Variants in PHF14 observed in about 807,000 individuals in gnomAD.
PHF14 encodes PHD finger protein 14.
Under a neutral mutation model 117.9 loss-of-function variants are expected in PHF14, and 55 were observed. That is an observed-to-expected ratio of 0.47 (90% CI 0.38 to 0.58). The LOEUF (loss-of-function observed/expected upper bound fraction) is 0.58. PHF14 is among the 20% of genes least tolerant of loss of function. The pLI is 0.00. For synonymous variants in PHF14, 409 were observed against 368.6 expected (o/e 1.11, Z -1.26); for missense variants, 978 against 1,122.2 (o/e 0.87, Z 1.84).
At chr7:11,135,694 C>T (rs778046177) in intron 17 of PHF14, among the ~76,000 whole-genome samples, 2 of 152,026 alleles carry the variant, frequency 1.3e-5, no homozygotes, top group Admixed American at 6.6e-5. Flanking sequence ...AATTCATTGC[C>T]GTGGTTATAT....
At chr7:11,091,915 C>G (rs1786654271) in intron 16 of PHF14, among the ~76,000 whole-genome samples, 1 of 152,162 alleles carries the variant, frequency 6.6e-6, no homozygotes, top group Non-Finnish European at 1.5e-5. Flanking sequence ...ATTGAAGGTA[C>G]AGCAGGAAAT....
chr7:11,076,882 T>G (rs1025141329), intron 16 of PHF14, among the ~76,000 whole-genome samples: 5 of 151,812 alleles, frequency 3.3e-5, no homozygotes, highest in African/African-American at 7.3e-5. Flanking sequence ...AATATGGTTT[T>G]TTTTTTTTTT....
At chr7:10,991,564 C>T (rs947385777) in intron 4 of PHF14, among the ~76,000 whole-genome samples, 6 of 152,236 alleles carry the variant, frequency 3.9e-5, no homozygotes, top group African/African-American at 1.4e-4. Flanking sequence ...CCTGCCTCAG[C>T]CTCCCAAAGT....
intron 4 of PHF14, among the ~76,000 whole-genome samples, chr7:10,992,267 T>G (rs1007512082): frequency 1.4e-5 from 2 of 147,446 alleles, no homozygotes; most frequent in Admixed American, 1.4e-4. Flanking sequence ...TTGGCCAGGC[T>G]GGTCTCGATT....
chr7:11,058,757 T>C (rs1305810110), intron 14 of PHF14, among the ~76,000 whole-genome samples: 3 of 152,200 alleles, frequency 2.0e-5, no homozygotes, highest in African/African-American at 7.2e-5. Flanking sequence ...CTCATTTCTA[T>C]TTGGGATTAA....
chr7:11,111,134 A>C, intron 16 of PHF14: 1 of 420,646 alleles, frequency 2.4e-6, no homozygotes, highest in South Asian at 4.5e-5. Context: ...TTGTTTGTTG[A>C]TTTTATTGCT....
At chr7:11,046,804 A>G (rs1176712886) in intron 13 of PHF14, among the ~76,000 whole-genome samples, 1 of 152,116 alleles carries the variant, frequency 6.6e-6, no homozygotes, top group Non-Finnish European at 1.5e-5. Flanking sequence ...AGTTTTATGT[A>G]GGCACCTGTC....
intron 16 of PHF14, among the ~76,000 whole-genome samples, chr7:11,070,539 A>G (rs929756520): frequency 5.3e-5 from 8 of 152,162 alleles, no homozygotes; most frequent in African/African-American, 1.9e-4. Context: ...GTATTTGGGC[A>G]TATTTTCTTC....
chr7:11,154,599 A>G (rs1788789931), intron 17 of PHF14, among the ~76,000 whole-genome samples: 1 of 152,162 alleles, frequency 6.6e-6, no homozygotes, highest in African/African-American at 2.4e-5. Flanking sequence ...TTGTTTTCAT[A>G]TCAGTTGGAC....
At chr7:10,994,727 G>A (rs1390212612) in intron 4 of PHF14, among the ~76,000 whole-genome samples, 2 of 151,946 alleles carry the variant, frequency 1.3e-5, no homozygotes, top group Admixed American at 6.5e-5. Flanking sequence ...TCTGATGTTC[G>A]GATGTGTTCG....
At chr7:10,997,634 G>T (rs1161056632) in intron 4 of PHF14, among the ~76,000 whole-genome samples, 3 of 152,182 alleles carry the variant, frequency 2.0e-5, no homozygotes, top group Non-Finnish European at 4.4e-5. Context: ...TTTAAGATTT[G>T]GCTGGACCTG....
chr7:11,013,180 A>G (rs1644779502), intron 4 of PHF14, among the ~76,000 whole-genome samples: 1 of 151,970 alleles, frequency 6.6e-6, no homozygotes, highest in Non-Finnish European at 1.5e-5. Context: ...ATTTTTTATG[A>G]GATGGAATTT....
intron 16 of PHF14, among the ~76,000 whole-genome samples, chr7:11,075,984 T>TA (rs1348266450): frequency 2.6e-5 from 4 of 151,672 alleles, no homozygotes; most frequent in Admixed American, 2.6e-4. Context: ...AATAAAAAAG[T>TA]AAAAATTAGC....
intron 4 of PHF14, among the ~76,000 whole-genome samples, chr7:11,003,066 A>G (rs1337524380): frequency 6.6e-6 from 1 of 151,818 alleles, no homozygotes; most frequent in African/African-American, 2.4e-5. Flanking sequence ...TCAGCCTCCC[A>G]AGTAGCTGGG....
intron 16 of PHF14, among the ~76,000 whole-genome samples, chr7:11,096,127 A>C (rs913015605): frequency 2.0e-5 from 3 of 152,056 alleles, no homozygotes; most frequent in African/African-American, 7.2e-5. Context: ...CAGTCATGCA[A>C]AGTTCATTTT....
intron 16 of PHF14, among the ~76,000 whole-genome samples, chr7:11,073,929 G>C (rs1286486820): frequency 6.6e-6 from 1 of 152,168 alleles, no homozygotes; most frequent in Non-Finnish European, 1.5e-5. Context: ...CTGTGCATCA[G>C]CTGGAGCTGG....
At chr7:10,983,628 C>G (rs1782120498) in intron 3 of PHF14, among the ~76,000 whole-genome samples, 1 of 152,056 alleles carries the variant, frequency 6.6e-6, no homozygotes, top group African/African-American at 2.4e-5. Flanking sequence ...TTTAGAGATT[C>G]GTTTTAAATA....
chr7:11,113,587 A>C (rs544360212), intron 17 of PHF14, among the ~76,000 whole-genome samples: 1 of 152,176 alleles, frequency 6.6e-6, no homozygotes, highest in Non-Finnish European at 1.5e-5. Flanking sequence ...TATTTTCGTT[A>C]TACTTATATG....
chr7:10,998,097 G>T (rs1782727159), intron 4 of PHF14, among the ~76,000 whole-genome samples: 1 of 152,106 alleles, frequency 6.6e-6, no homozygotes, highest in South Asian at 2.1e-4. Flanking sequence ...GAAAGAAGGG[G>T]GAACAATTGC....
Sources: gnomAD v4.1 joint callset for allele counts (sites outside exome capture counted in the v4.1 genomes callset) on GRCh38, gnomAD v4.1.1 for gene constraint, MANE v1.5 for transcripts, NCBI Gene and HGNC (gene_info 2026-07-23, HGNC 2026-07-21) for gene names.